Variants in UTS2B observed in about 807,000 individuals in gnomAD.
The protein encoded by UTS2B is urotensin-2B.
UTS2B carries 21 observed loss-of-function variants against 19.2 expected under a neutral mutation model. The ratio of observed to expected loss-of-function variants is 1.09; its 90% CI spans 0.78 to 1.58. The LOEUF is 1.58. Among genes scored for constraint, UTS2B ranks in the 40% most tolerant of loss-of-function variants. The pLI, the probability that UTS2B is intolerant of heterozygous loss-of-function variation, is 0.00. For missense variants in UTS2B, 138 were observed against 130.3 expected (o/e 1.06, Z -0.29); for synonymous variants, 57 against 50.2 (o/e 1.14, Z -0.58).
intron 4 of UTS2B, among the ~76,000 whole-genome samples, chr3:191,291,538 C>T (rs965974213): frequency 2.2e-4 from 33 of 152,176 alleles, no homozygotes; most frequent in African/African-American, 7.0e-4. Context: ...CTGCAAGCTC[C>T]ACCACCTGGG....
intron 4 of UTS2B, among the ~76,000 whole-genome samples, chr3:191,283,568 G>C (rs1716450091): frequency 6.6e-6 from 1 of 152,112 alleles, no homozygotes. Flanking sequence ...AATACTTTGA[G>C]AGCAGTTACA....
chr3:191,307,889 G>A (rs530561855), intron 3 of UTS2B, among the ~76,000 whole-genome samples: 65 of 146,464 alleles, frequency 4.4e-4, no homozygotes, highest in Non-Finnish European at 8.3e-4. Flanking sequence ...AGGCTGGAGT[G>A]TAGTGGCACA....
At chr3:191,304,012 C>T (rs1373488299) in intron 4 of UTS2B, among the ~76,000 whole-genome samples, 3 of 151,622 alleles carry the variant, frequency 2.0e-5, no homozygotes, top group African/African-American at 7.3e-5. Context: ...CTCTGTTGTG[C>T]CAGCTGGAGT....
At chr3:191,286,349 T>C (rs1301945030) in intron 4 of UTS2B, among the ~76,000 whole-genome samples, 2 of 152,172 alleles carry the variant, frequency 1.3e-5, no homozygotes, top group African/African-American at 4.8e-5. Context: ...GCATGCCAAA[T>C]ATTCTCCAGG....
intron 5 of UTS2B, among the ~76,000 whole-genome samples, chr3:191,278,731 T>G (rs879639071): frequency 6.6e-6 from 1 of 152,012 alleles, no homozygotes; most frequent in African/African-American, 2.4e-5. Context: ...CAGCCATTCA[T>G]TCCTCAGGTC....
chr3:191,298,953 T>C (rs1437911013), intron 4 of UTS2B, among the ~76,000 whole-genome samples: 2 of 152,184 alleles, frequency 1.3e-5, no homozygotes, highest in Non-Finnish European at 2.9e-5. Flanking sequence ...ATGCCCCTGC[T>C]CTAGGGATCT....
At chr3:191,327,942 T>C (rs1420750609) in intron 2 of UTS2B, among the ~76,000 whole-genome samples, 1 of 152,228 alleles carries the variant, frequency 6.6e-6, no homozygotes, top group Non-Finnish European at 1.5e-5. Flanking sequence ...TGCCTAGCAC[T>C]GGGGTGGGTA....
At chr3:191,318,719 C>T (rs1717532287) in intron 2 of UTS2B, among the ~76,000 whole-genome samples, 1 of 152,214 alleles carries the variant, frequency 6.6e-6, no homozygotes, top group Non-Finnish European at 1.5e-5. Context: ...AATCCACCCA[C>T]CTTGGCCTCC....
Position 191,329,088 on chromosome 3 carries a change from A to G in UTS2B, c.-664-379T>C, listed in dbSNP as rs115064906. 2,329 of 152,948 alleles carry G rather than the reference A, an allele frequency of 0.015. 67 individuals carry two copies. Among genetic ancestry groups the G allele is most frequent in the African/African-American group, 0.053 (2,223 of 41,564 alleles). 9.5% of individuals were successfully genotyped at this position (152,948 alleles called of 1,614,324 possible). On this transcript the variant is annotated intron_variant, in intron 1 of 8. Transcript: ENST00000340524. Reference sequence around the variant, plus strand: ...AATGCTGACTACACCGCTCACGGGAAAGACTATGTTTTAGGTGACCCGTGT... The same window carrying G: ...AATGCTGACTACACCGCTCACGGGAGAGACTATGTTTTAGGTGACCCGTGT...
At chr3:191,294,144 C>T (rs1381508327) in intron 4 of UTS2B, among the ~76,000 whole-genome samples, 2 of 151,404 alleles carry the variant, frequency 1.3e-5, no homozygotes, top group Non-Finnish European at 1.5e-5. Flanking sequence ...AACAAACAAA[C>T]AAAGTGAGTA....
chr3:191,327,612 G>C (rs1333831701), intron 2 of UTS2B, among the ~76,000 whole-genome samples: 2 of 152,186 alleles, frequency 1.3e-5, no homozygotes, highest in African/African-American at 4.8e-5. Flanking sequence ...TTAAAGGAAA[G>C]AAGAATACTC....
intron 4 of UTS2B, among the ~76,000 whole-genome samples, chr3:191,296,471 A>G (rs1716861468): frequency 2.0e-5 from 3 of 152,102 alleles, no homozygotes; most frequent in Admixed American, 2.0e-4. Flanking sequence ...GTTTCTCTCC[A>G]TTGCACTACA....
In UTS2B at chr3:191,268,390, CT is replaced by C. The variant is rs771807888; in HGVS notation, c.*25del. ...ACATATATTTTCCTGATATTCTTAT[CT>C]TTTTTTGCATCCAGAGAAAAAGCTT... On this transcript the variant is annotated 3_prime_UTR_variant, in exon 9 of 9. Coordinates refer to ENST00000340524, the MANE Select transcript of UTS2B (RefSeq NM_198152.5). 1.3e-5 allele frequency: 20 copies of C among 1,545,244 alleles called. No individual in the cohort carries two copies. Among genetic ancestry groups the C allele is most frequent in the East Asian group, 2.3e-5 (1 of 43,880 alleles).
intron 2 of UTS2B, among the ~76,000 whole-genome samples, chr3:191,321,343 A>AT (rs1447530921): frequency 3.9e-5 from 6 of 152,230 alleles, no homozygotes; most frequent in African/African-American, 1.4e-4. Context: ...CCTTTTAACT[A>AT]TTTTTAAAAT....
chr3:191,273,800 C>G lies in UTS2B; in HGVS notation c.334+1452G>C, dbSNP rs181317789. ...GTCCTTTGTTCCTAGTTGCTCAAAA[C>G]AAAATCCTTGGAGTAATTTTTGACA... On this transcript the variant is annotated intron_variant, in intron 8 of 8. Transcript: ENST00000340524. 5.5e-3 allele frequency among the ~76,000 whole-genome samples: 835 copies of G among 152,304 alleles called. 2 individuals carry two copies. The highest frequency in any genetic ancestry group is 0.019 in the African/African-American group (777 of 41,558).
chr3:191,303,224 A>G (rs1376453507), intron 4 of UTS2B, among the ~76,000 whole-genome samples: 1 of 152,166 alleles, frequency 6.6e-6, no homozygotes, highest in Non-Finnish European at 1.5e-5. Context: ...TGGGAGTCTC[A>G]TACTTTGTAG....
chr3:191,285,420 A>C (rs1576918280), intron 4 of UTS2B, among the ~76,000 whole-genome samples: 1 of 152,332 alleles, frequency 6.6e-6, no homozygotes, highest in Middle Eastern at 3.4e-3. Context: ...CAAGAGAAGA[A>C]GAAGCAAAGA....
At chr3:191,305,521 T>C (rs1192492882) in intron 3 of UTS2B, among the ~76,000 whole-genome samples, 1 of 152,222 alleles carries the variant, frequency 6.6e-6, no homozygotes, top group Admixed American at 6.5e-5. Flanking sequence ...GGTTGTTTTC[T>C]TGTAAATTTG....
In UTS2B at chr3:191,320,139, T is replaced by TAA. The variant is rs145840672; in HGVS notation, c.-585-3702_-585-3701dup. Among the ~76,000 whole-genome samples the TAA allele has an allele frequency of 1.2e-3, 179 of 150,476 alleles. 1 individual carries two copies. The highest frequency in any genetic ancestry group is 4.3e-3 in the African/African-American group (176 of 41,064). On this transcript the variant is annotated intron_variant, in intron 2 of 8. Coordinates refer to ENST00000340524, the MANE Select transcript of UTS2B (RefSeq NM_198152.5). ...TTGGCAGGAATAACTGACCTGGAGA[T>TAA]AAAAAAAAAGAGTGGGCAAGATATG...
Sources: gnomAD v4.1 joint callset for allele counts (sites outside exome capture counted in the v4.1 genomes callset) on GRCh38, gnomAD v4.1.1 for gene constraint, MANE v1.5 for transcripts, NCBI Gene and HGNC (gene_info 2026-07-23, HGNC 2026-07-21) for gene names.